CEP128: variants seen among roughly 807,000 people sequenced by gnomAD.
The protein encoded by CEP128 is centrosomal protein 128kDa.
Under a neutral mutation model 156.7 loss-of-function variants are expected in CEP128, and 132 were observed. The observed-to-expected ratio is 0.84, with a 90% CI of 0.73 to 0.97. The LOEUF is 0.97. Among genes scored for constraint, CEP128 ranks in the 50% least tolerant of loss-of-function variants. The probability of loss-of-function intolerance (pLI) is 0.00; values close to 1 mark genes in which losing one functional copy is unlikely to be tolerated. For missense variants in CEP128, 1,252 were observed against 1,281.9 expected (o/e 0.98, Z 0.36); for synonymous variants, 469 against 448.9 (o/e 1.04, Z -0.57).
chr14:80,813,254 T>C (rs1044507691), intron 13 of CEP128, among the ~76,000 whole-genome samples: 1 of 152,188 alleles, frequency 6.6e-6, no homozygotes, highest in Admixed American at 6.5e-5. Context: ...TTTGTTGCAA[T>C]TGCTTTTGGA....
chr14:80,894,150 T>C (rs1001595709), intron 8 of CEP128, among the ~76,000 whole-genome samples: 6 of 151,700 alleles, frequency 4.0e-5, no homozygotes, highest in South Asian at 4.1e-4. Context: ...AGATGGAAAA[T>C]TAAACTGGAT....
intron 13 of CEP128, among the ~76,000 whole-genome samples, chr14:80,820,134 TG>T (rs1304340230): frequency 6.6e-6 from 1 of 152,216 alleles, no homozygotes; most frequent in African/African-American, 2.4e-5. Flanking sequence ...TCCTGACCTC[TG>T]TAAGAATATA....
At chr14:80,594,759 A>G (rs1892240397) in intron 19 of CEP128, among the ~76,000 whole-genome samples, 1 of 152,250 alleles carries the variant, frequency 6.6e-6, no homozygotes, top group South Asian at 2.1e-4. Flanking sequence ...ATGCAAATCA[A>G]AACCACAATG....
intron 16 of CEP128, among the ~76,000 whole-genome samples, chr14:80,765,672 A>G (rs1378417388): frequency 3.9e-5 from 6 of 152,228 alleles, no homozygotes; most frequent in Admixed American, 3.9e-4. Flanking sequence ...AGGCAGATGA[A>G]GCTAACTACA....
At chr14:80,678,068 A>ATATATATGTG (rs1896161780) in intron 19 of CEP128, among the ~76,000 whole-genome samples, 3 of 133,908 alleles carry the variant, frequency 2.2e-5, no homozygotes, top group African/African-American at 7.8e-5. Context: ...ATATATGTAT[A>ATATATATGTG]TATATATATG....
At chr14:80,750,199 T>A (rs982747197) in intron 18 of CEP128, among the ~76,000 whole-genome samples, 2 of 152,202 alleles carry the variant, frequency 1.3e-5, no homozygotes, top group East Asian at 1.9e-4. Flanking sequence ...GAAATGTATA[T>A]GTTACTCTTA....
At chr14:80,921,669 T>G (rs1178153899) in intron 2 of CEP128, among the ~76,000 whole-genome samples, 1 of 152,162 alleles carries the variant, frequency 6.6e-6, no homozygotes, top group Non-Finnish European at 1.5e-5. Flanking sequence ...ATTTGTTTTT[T>G]CAATAACAGT....
At chr14:80,879,152 C>G (rs531319653) in intron 8 of CEP128, among the ~76,000 whole-genome samples, 3 of 152,192 alleles carry the variant, frequency 2.0e-5, no homozygotes, top group Non-Finnish European at 4.4e-5. Context: ...AGCCACCACA[C>G]TCTGCCATGC....
chr14:80,716,346 C>A (rs1207171486), intron 19 of CEP128, among the ~76,000 whole-genome samples: 2 of 152,118 alleles, frequency 1.3e-5, no homozygotes, highest in African/African-American at 2.4e-5. Context: ...AAAAAGAAAT[C>A]CCATATCACC....
chr14:80,685,966 T>C (rs2139279801), intron 19 of CEP128, among the ~76,000 whole-genome samples: 1 of 152,120 alleles, frequency 6.6e-6, no homozygotes, highest in South Asian at 2.1e-4. Flanking sequence ...CCTCAAGATG[T>C]ATTGAATATT....
At chr14:80,493,741 A>G (rs1162807252), downstream of CEP128, among the ~76,000 whole-genome samples, 1 of 152,194 alleles carries the variant, frequency 6.6e-6, no homozygotes, top group Non-Finnish European at 1.5e-5. Flanking sequence ...GCGGTCAACA[A>G]TAGGGGCTAT....
intron 19 of CEP128, among the ~76,000 whole-genome samples, chr14:80,607,400 G>A (rs1295235883): frequency 6.6e-6 from 1 of 152,066 alleles, no homozygotes; most frequent in Non-Finnish European, 1.5e-5. Flanking sequence ...GAAAATATAG[G>A]CTGAATTCCA....
In CEP128 at chr14:80,855,269, G is replaced by GTCC. The variant is rs534753977; in HGVS notation, c.762+7485_762+7487dup. Among the ~76,000 whole-genome samples, 4 of 152,190 alleles carry GTCC rather than the reference G, an allele frequency of 2.6e-5. No homozygotes were observed. In the South Asian group the frequency reaches 8.3e-4, roughly 32 times the overall value. ...TACCGAACCCCATGGGGCTCACACA[G>GTCC]TCCTGTCCAAGGACTCAATTCTAGG... On this transcript the variant is annotated intron_variant, in intron 9 of 24. Transcript: ENST00000555265.
chr14:80,834,545 T>G (rs1217674549), intron 12 of CEP128, among the ~76,000 whole-genome samples: 1 of 152,198 alleles, frequency 6.6e-6, no homozygotes, highest in Non-Finnish European at 1.5e-5. Flanking sequence ...TGAAAAACTC[T>G]ACAATTGTTA....
chr14:80,735,677 C>G (rs1030920527), intron 19 of CEP128, among the ~76,000 whole-genome samples: 1 of 152,174 alleles, frequency 6.6e-6, no homozygotes, highest in East Asian at 1.9e-4. Context: ...TATTATGTTA[C>G]AGTTCTGTCC....
At chr14:80,783,199 T>C (rs1901219820) in intron 15 of CEP128, among the ~76,000 whole-genome samples, 1 of 152,170 alleles carries the variant, frequency 6.6e-6, no homozygotes, top group Non-Finnish European at 1.5e-5. Context: ...TTTACCACTG[T>C]TCTCTTCAAA....
chr14:80,546,010 A>T (rs1889968914), intron 21 of CEP128, among the ~76,000 whole-genome samples: 1 of 152,216 alleles, frequency 6.6e-6, no homozygotes, highest in Non-Finnish European at 1.5e-5. Flanking sequence ...TAGAGCCTAC[A>T]TGTAAAATAA....
At position 80,682,403 on chromosome 14, in the gene CEP128, G is replaced by GA. The variant is rs367662734; in HGVS notation, c.2806+60671dup. On this transcript the variant is annotated intron_variant, in intron 19 of 24. Coordinates refer to ENST00000555265, the MANE Select transcript of CEP128 (RefSeq NM_152446.5). ...CAGTCAGACAAACATAAGGAAAAAT[G>GA]AATTTTAAAACATGAATTAATTCTT... Among the ~76,000 whole-genome samples the GA allele has an allele frequency of 2.6e-3, 403 of 152,238 alleles. 2 individuals carry two copies. Among genetic ancestry groups the GA allele is most frequent in the African/African-American group, 9.2e-3 (381 of 41,566 alleles).
intron 2 of CEP128, among the ~76,000 whole-genome samples, chr14:80,926,092 G>A (rs1035819909): frequency 6.6e-6 from 1 of 152,158 alleles, no homozygotes; most frequent in African/African-American, 2.4e-5. Flanking sequence ...TCCCAACTGA[G>A]ACCTGTGATA....
Sources: allele counts gnomAD v4.1 joint callset (sites outside exome capture counted in the v4.1 genomes callset), GRCh38; gene constraint gnomAD v4.1.1; transcripts MANE v1.5; gene names NCBI Gene and HGNC (gene_info 2026-07-23, HGNC 2026-07-21).